CERK: variants seen among roughly 807,000 people sequenced by gnomAD.
CERK encodes the protein ceramide kinase.
In CERK, 39 loss-of-function variants were observed where a neutral mutation model predicts 63.4. The ratio of observed to expected loss-of-function variants is 0.61; its 90% CI spans 0.48 to 0.80. The LOEUF is 0.80. CERK is among the 30% of genes least tolerant of loss of function. The pLI is 0.00. For synonymous variants in CERK, 302 were observed against 280.0 expected, an observed-to-expected ratio of 1.08 and a Z score of -0.78; for missense variants, 670 against 714.1, an observed-to-expected ratio of 0.94 and a Z score of 0.70.
intron 3 of CERK, among the ~76,000 whole-genome samples, chr22:46,713,538 CAA>C (rs1012999572): frequency 2.2e-5 from 3 of 133,702 alleles, no homozygotes; most frequent in Non-Finnish European, 4.9e-5. Context: ...AACAAACAAA[CAA>C]AAAAACACAG....
intron 1 of CERK, among the ~76,000 whole-genome samples, chr22:46,722,725 A>C (rs923948492): frequency 1.3e-5 from 2 of 151,950 alleles, no homozygotes; most frequent in Non-Finnish European, 2.9e-5. Flanking sequence ...GGTCCAGCTG[A>C]TTTTTGTATT....
intron 1 of CERK, among the ~76,000 whole-genome samples, chr22:46,723,841 G>A (rs1045568786): frequency 1.3e-5 from 2 of 151,950 alleles, no homozygotes. Context: ...GGGATTATAG[G>A]CGCCTGCCAC....
chr22:46,694,468 T>C (rs2082746311), intron 9 of CERK, among the ~76,000 whole-genome samples: 1 of 152,074 alleles, frequency 6.6e-6, no homozygotes, highest in South Asian at 2.1e-4. Context: ...GGGGACCAAA[T>C]GTAAGGGGAG....
intron 1 of CERK, among the ~76,000 whole-genome samples, chr22:46,730,926 T>C (rs2082942240): frequency 1.3e-5 from 2 of 152,178 alleles, no homozygotes; most frequent in Non-Finnish European, 2.9e-5. Flanking sequence ...AGGGGCAGCT[T>C]TGCAAGACAG....
intron 6 of CERK, among the ~76,000 whole-genome samples, chr22:46,702,814 T>TGA (rs2082794095): frequency 6.6e-6 from 1 of 152,342 alleles, no homozygotes; most frequent in African/African-American, 2.4e-5. Context: ...GCCTTCCCTC[T>TGA]GAGGACCATG....
intron 1 of CERK, among the ~76,000 whole-genome samples, chr22:46,725,922 T>C (rs1396485119): frequency 2.6e-5 from 4 of 152,196 alleles, no homozygotes; most frequent in African/African-American, 9.7e-5. Flanking sequence ...TTTTAGTGCT[T>C]GTTGTGATCC....
intron 1 of CERK, among the ~76,000 whole-genome samples, chr22:46,727,811 A>C (rs1471083978): frequency 1.4e-5 from 2 of 145,640 alleles, no homozygotes; most frequent in East Asian, 2.1e-4. Flanking sequence ...ATGCCGCCCC[A>C]ACACTCCCCT....
Position 46,691,730 on chromosome 22 carries a change from T to C in CERK, c.1174A>G (p.Asn392Asp). The change falls in exon 11 of 13, where the codon AAT becomes GAT. Residue 392 changes from asparagine (N) to aspartate (D), a missense_variant. By Grantham distance (23) the Asn-to-Asp change is conservative (BLOSUM62 1). Transcript: ENST00000216264. ...CAAGCACAGGACATGTTTGTGGCAT[T>C]GATGGCCAGAAACTTCCCACAGACG... ...QVVCGKFLAI[N>D]ATNMSCACRR... 6.2e-7 allele frequency: 1 copy of C among 1,613,348 alleles called. No individual in the cohort carries two copies. Among genetic ancestry groups the C allele is most frequent in the Non-Finnish European group, 8.5e-7 (1 of 1,179,414 alleles).
chr22:46,724,977 C>T (rs866595745), intron 1 of CERK, among the ~76,000 whole-genome samples: 3 of 151,874 alleles, frequency 2.0e-5, no homozygotes, highest in East Asian at 1.9e-4. Context: ...GCCAAGATTG[C>T]GCCACTGCAC....
At chr22:46,694,411 TG>T (rs113718287) in intron 9 of CERK, among the ~76,000 whole-genome samples, 70 of 152,262 alleles carry the variant, frequency 4.6e-4, no homozygotes, top group African/African-American at 1.7e-3. Context: ...AGTCCCTGCT[TG>T]TTCAGTGGCG....
intron 6 of CERK, among the ~76,000 whole-genome samples, chr22:46,704,332 G>A (rs889858562): frequency 5.3e-5 from 8 of 152,202 alleles, no homozygotes; most frequent in African/African-American, 1.9e-4. Flanking sequence ...CACTGCCACT[G>A]GCAAATGGTG....
At chr22:46,718,333 G>C (rs1476807845) in intron 3 of CERK, among the ~76,000 whole-genome samples, 1 of 152,144 alleles carries the variant, frequency 6.6e-6, no homozygotes, top group East Asian at 1.9e-4. Context: ...ATGAAAACAG[G>C]TTTGATGGGA....
intron 7 of CERK, among the ~76,000 whole-genome samples, chr22:46,700,646 G>A (rs922949731): frequency 6.6e-5 from 10 of 152,178 alleles, no homozygotes. Flanking sequence ...TCTGGAGGTC[G>A]AGGCTACAGT....
At chr22:46,691,404 C>T (rs889100372) in intron 11 of CERK, among the ~76,000 whole-genome samples, 168 bp downstream of exon 11, 1 of 151,600 alleles carries the variant, frequency 6.6e-6, no homozygotes, top group Non-Finnish European at 1.5e-5. Flanking sequence ...TGATATTTTA[C>T]AAGGAGTAGT....
intron 12 of CERK, among the ~76,000 whole-genome samples, chr22:46,687,721 A>T (rs1459145120): frequency 1.3e-5 from 2 of 152,040 alleles, no homozygotes; most frequent in African/African-American, 4.8e-5. Flanking sequence ...CGCCAGCAAG[A>T]GCCTTCGGGC....
chr22:46,708,574 TG>T (rs932849611), intron 5 of CERK, among the ~76,000 whole-genome samples: 25 of 151,928 alleles, frequency 1.6e-4, no homozygotes, highest in African/African-American at 6.0e-4. Flanking sequence ...GCGGACAAAA[TG>T]GGGCATGAGA....
rs1485091958 is a variant in CERK at position 46,720,138 on chromosome 22, C to T, written c.327G>A (p.Glu109=). The T allele has an allele frequency of 3.1e-6, 5 of 1,614,038 alleles. No homozygotes were observed. Among genetic ancestry groups the T allele is most frequent in the Non-Finnish European group, 4.2e-6 (5 of 1,180,044 alleles). The change falls in exon 3 of 13, where the codon GAG becomes GAA. Residue 109 remains glutamate, a synonymous_variant. Transcript: ENST00000216264. ...TCTGCAGCCACAAGTGACACAGCTG[C>T]TCCTCTGGACACCAGAAAGTCACCT... ...WAQVTFWCPE[E]QLCHLWLQTL... is the part of the protein sequence containing the mutation.
chr22:46,728,896 G>A (rs1322094669), intron 1 of CERK, among the ~76,000 whole-genome samples: 1 of 152,218 alleles, frequency 6.6e-6, no homozygotes, highest in Non-Finnish European at 1.5e-5. Context: ...AGGAGAGGGG[G>A]CTGGAGCAGG....
At chr22:46,710,493 C>G (rs888839738) in intron 5 of CERK, among the ~76,000 whole-genome samples, 1 of 151,170 alleles carries the variant, frequency 6.6e-6, no homozygotes, top group Admixed American at 6.6e-5. Context: ...TATGGCTGTA[C>G]ACGGCAGAGA....
Sources: allele counts gnomAD v4.1 joint callset (sites outside exome capture counted in the v4.1 genomes callset), GRCh38; gene constraint gnomAD v4.1.1; transcripts MANE v1.5; gene names NCBI Gene and HGNC (gene_info 2026-07-23, HGNC 2026-07-21).